The following CDKN3 variants were observed in gnomAD, a reference collection of about 807,000 sequenced individuals.
The protein encoded by CDKN3 is cyclin-dependent kinase inhibitor 3.
CDKN3 carries 19 observed loss-of-function variants against 36.1 expected under a neutral mutation model. The ratio of observed to expected loss-of-function variants is 0.53; its 90% CI spans 0.37 to 0.77. CDKN3 has a LOEUF of 0.77. Among genes scored for constraint, CDKN3 ranks in the 30% least tolerant of loss-of-function variants. The probability of loss-of-function intolerance (pLI) is 0.00; values close to 1 mark genes in which losing one functional copy is unlikely to be tolerated. For missense variants in CDKN3, 188 were observed against 248.6 expected (o/e 0.76, Z 1.64); for synonymous variants, 71 against 85.3 (o/e 0.83, Z 0.92).
intron 2 of CDKN3, among the ~76,000 whole-genome samples, chr14:54,401,280 A>C (rs988935659): frequency 1.3e-5 from 2 of 152,158 alleles, no homozygotes; most frequent in Non-Finnish European, 2.9e-5. Flanking sequence ...ACCCAGCCTA[A>C]CTTGTCATTT....
At chr14:54,413,950 C>A in intron 5 of CDKN3, 1 of 468,280 alleles carries the variant, frequency 2.1e-6, no homozygotes, top group Non-Finnish European at 3.2e-6. Context: ...CAGAGCCATG[C>A]CCTCTGAGAC....
intron 6 of CDKN3, 41 bp from the exon 7 acceptor site, chr14:54,417,807 G>T (rs1201904739): frequency 1.8e-6 from 2 of 1,109,906 alleles, no homozygotes; most frequent in Non-Finnish European, 1.3e-6. Context: ...CCTGTCACTA[G>T]TTATTTAATA....
intron 5 of CDKN3, among the ~76,000 whole-genome samples, chr14:54,415,628 C>T (rs1042252115): frequency 2.0e-5 from 3 of 152,208 alleles, no homozygotes; most frequent in African/African-American, 2.4e-5. Flanking sequence ...GTAACATGCT[C>T]CATTTCTCAG....
At chr14:54,404,602 T>C (rs1487638599) in intron 3 of CDKN3, among the ~76,000 whole-genome samples, 1 of 151,616 alleles carries the variant, frequency 6.6e-6, no homozygotes, top group Non-Finnish European at 1.5e-5. Flanking sequence ...TGAGACAGAG[T>C]CTCACTCTGT....
At chr14:54,416,032 T>C (rs2030529947) in intron 6 of CDKN3, 102 bp downstream of exon 6, 5 of 859,526 alleles carry the variant, frequency 5.8e-6, no homozygotes, top group African/African-American at 5.1e-5. Flanking sequence ...AAGCAAAATA[T>C]AAGTTTGCTA....
At chr14:54,410,623 C>T (rs1475302439) in intron 4 of CDKN3, among the ~76,000 whole-genome samples, 1 of 152,108 alleles carries the variant, frequency 6.6e-6, no homozygotes, top group Non-Finnish European at 1.5e-5. Context: ...ATTAAATACA[C>T]AAGGATGTGT....
chr14:54,408,246 C>T (rs1030316257), intron 3 of CDKN3, among the ~76,000 whole-genome samples: 1 of 152,188 alleles, frequency 6.6e-6, no homozygotes, highest in Admixed American at 6.5e-5. Flanking sequence ...TAAAAGTGTT[C>T]CCTTTTCACC....
chr14:54,413,682 C>G, intron 5 of CDKN3: 1 of 1,535,342 alleles, frequency 6.5e-7, no homozygotes, highest in South Asian at 1.2e-5. Context: ...CACTTCTAGA[C>G]AGCTATAGAG....
chr14:54,409,620 C>A (rs2030281878), intron 4 of CDKN3, among the ~76,000 whole-genome samples: 1 of 151,966 alleles, frequency 6.6e-6, no homozygotes, highest in Non-Finnish European at 1.5e-5. Flanking sequence ...ATCGCTTGAG[C>A]TCAGGAGTTC....
chr14:54,419,652 CA>C (rs1382335701), intron 7 of CDKN3, among the ~76,000 whole-genome samples: 4 of 152,074 alleles, frequency 2.6e-5, no homozygotes, highest in Admixed American at 1.3e-4. Flanking sequence ...TCCTTCTTAC[CA>C]GGGGGGAAAA....
chr14:54,411,275 T>C, intron 4 of CDKN3: 1 of 501,026 alleles, frequency 2.0e-6, no homozygotes. Context: ...TATTTTGAAA[T>C]TCAGTAAAAG....
rs532393189 is a variant in CDKN3 at position 54,401,508 on chromosome 14, T to G, written c.93-16T>G. On this transcript the variant is annotated splice_polypyrimidine_tract_variant and intron_variant, in intron 2 of 7. Coordinates refer to ENST00000335183, the MANE Select transcript of CDKN3 (RefSeq NM_005192.4). ...TAAAAACTTAACTAAACATGAAAAA[T>G]TTTTCTTCTTTTCAGGCTATCTTTG... The G allele has an allele frequency of 2.5e-6, 4 of 1,596,320 alleles. No homozygotes were observed. The highest frequency in any genetic ancestry group is 1.7e-5 in the Admixed American group (1 of 58,732).
intron 7 of CDKN3, chr14:54,418,522 A>G: frequency 2.3e-6 from 1 of 428,308 alleles, no homozygotes; most frequent in South Asian, 3.4e-5. Context: ...TATTGCATTA[A>G]TCATGTTACT....
chr14:54,417,044 T>C (rs1351418513), intron 6 of CDKN3, among the ~76,000 whole-genome samples: 1 of 152,200 alleles, frequency 6.6e-6, no homozygotes, highest in South Asian at 2.1e-4. Flanking sequence ...TTGGCAAGGA[T>C]GTAGAGAAAT....
intron 5 of CDKN3, chr14:54,413,867 C>A: frequency 7.5e-7 from 1 of 1,334,348 alleles, no homozygotes; most frequent in Non-Finnish European, 9.6e-7. Context: ...TACCACAAAC[C>A]AGGTAGCTGA....
Position 54,417,966 on chromosome 14 carries a change from G to T in CDKN3, c.552+15G>T. ...AGACCATCAAGGTGAGGAGGTGGGC[G>T]GTGCTTGCTTGGTTGTGGTTGGGGT... On this transcript the variant is annotated intron_variant, in intron 7 of 7. Coordinates refer to ENST00000335183, the MANE Select transcript of CDKN3 (RefSeq NM_005192.4). 1 of 1,463,750 alleles carries T rather than the reference G, an allele frequency of 6.8e-7. No individual in the cohort carries two copies. The highest frequency in any genetic ancestry group is 2.3e-5 in the East Asian group (1 of 42,612). The allele number at this position is 1,463,750 out of a possible 1,614,324, so 90.7% of individuals were successfully genotyped here.
Position 54,415,931 on chromosome 14 carries a change from G to A in CDKN3, c.448+1G>A. On this transcript the variant is annotated splice_donor_variant, in intron 6 of 7. Transcript: ENST00000335183. LOFTEE classifies it high-confidence loss of function. ...GGAGGACTTGGGAGATCTTGTCTTG[G>A]TAAGAAATATATTTCTATTATTTTT... 6.3e-7 allele frequency: 1 copy of A among 1,593,302 alleles called. No individual in the cohort carries two copies.
chr14:54,410,516 G>A (rs2030313124), intron 4 of CDKN3, among the ~76,000 whole-genome samples: 1 of 152,130 alleles, frequency 6.6e-6, no homozygotes, highest in Non-Finnish European at 1.5e-5. Context: ...CTAGTGTATA[G>A]AATGCCTATA....
chr14:54,398,718 T>C (rs931329011), intron 1 of CDKN3, among the ~76,000 whole-genome samples: 3 of 152,204 alleles, frequency 2.0e-5, no homozygotes, highest in Non-Finnish European at 2.9e-5. Context: ...AAGTCTTCCA[T>C]GTCAAAATGC....
Sources: allele counts gnomAD v4.1 joint callset (sites outside exome capture counted in the v4.1 genomes callset), GRCh38; gene constraint gnomAD v4.1.1; transcripts MANE v1.5; gene names NCBI Gene and HGNC (gene_info 2026-07-23, HGNC 2026-07-21).